The following HEATR1 variants were observed in gnomAD, a reference collection of about 807,000 sequenced individuals.
HEATR1 encodes the protein HEAT repeat containing 1, also known as HEAT repeat-containing protein 1.
A neutral mutation model predicts 248.2 loss-of-function variants in HEATR1; 77 were observed. The ratio of observed to expected loss-of-function variants is 0.31; its 90% CI spans 0.26 to 0.37. HEATR1 has a LOEUF of 0.37. Ranked by LOEUF, HEATR1 falls within the 10% of genes least tolerant of loss-of-function variation. HEATR1 has a pLI of 1.00. For missense variants in HEATR1, 2,420 were observed against 2,504.9 expected, an observed-to-expected ratio of 0.97 and a Z score of 0.72; for synonymous variants, 897 against 923.1, an observed-to-expected ratio of 0.97 and a Z score of 0.51.
In HEATR1 at chr1:236,555,948, A is replaced by AAC. The variant is rs1662962258; in HGVS notation, c.5515-11_5515-10dup. 6.2e-7 allele frequency: 1 copy of AAC among 1,613,424 alleles called. No homozygotes were observed. Among genetic ancestry groups the AAC allele is most frequent in the Admixed American group, 1.7e-5 (1 of 60,000 alleles). On this transcript the variant is annotated splice_polypyrimidine_tract_variant and intron_variant, in intron 38 of 44. Coordinates refer to ENST00000366582, the MANE Select transcript of HEATR1 (RefSeq NM_018072.6). ...AACGGACCCATGTGATTCTACCAAT[A>AAC]ACACAGGAAAGAGATGTGCCATTTT...
At position 236,556,112 on chromosome 1, in the gene HEATR1, C is replaced by T. The variant is rs1462503290; in HGVS notation, c.5502G>A (p.Glu1834=). 1 of 1,614,186 alleles carries T rather than the reference C, an allele frequency of 6.2e-7. No homozygotes were observed. Among genetic ancestry groups the T allele is most frequent in the Non-Finnish European group, 8.5e-7 (1 of 1,180,036 alleles). Residue 1834 remains glutamate (E), a synonymous_variant, in exon 38 of 45, where the codon GAG becomes GAA. Coordinates refer to ENST00000366582, the MANE Select transcript of HEATR1 (RefSeq NM_018072.6). The stretch of plus-strand genomic sequence containing the variant: ...AATAAGATCTAACCTTCCAGTTCTT[C>T]TCAATCTGCTTGTAAGTTTTTTTGA... ...PAIKKTYKQI[E]KNWKNHMGPF...
chr1:236,556,122 T>C lies in HEATR1; in HGVS notation c.5492A>G (p.Lys1831Arg). The change falls in exon 38 of 45, where the codon AAG (lysine) becomes AGG (arginine). Residue 1831 changes from lysine (K) to arginine (R), a missense_variant. Transcript: ENST00000366582. ...VLLPAIKKTY[K>R]QIEKNWKNHM... The stretch of plus-strand genomic sequence containing the variant: ...AACCTTCCAGTTCTTCTCAATCTGC[T>C]TGTAAGTTTTTTTGATGGCGGGCAA... 6.2e-7 allele frequency: 1 copy of C among 1,614,202 alleles called. No individual in the cohort carries two copies. Among genetic ancestry groups the C allele is most frequent in the Non-Finnish European group, 8.5e-7 (1 of 1,180,038 alleles).
intron 24 of HEATR1, 38 bp downstream of exon 24, chr1:236,574,164 A>G (rs1389002670): frequency 6.4e-7 from 1 of 1,565,586 alleles, no homozygotes; most frequent in Non-Finnish European, 8.6e-7. Flanking sequence ...GAGACTATAA[A>G]CATTAATAAA....
intron 14 of HEATR1, 34 bp downstream of exon 14, chr1:236,587,360 CTTCATCAA>C (rs1663922742): frequency 1.2e-5 from 11 of 935,536 alleles, no homozygotes; most frequent in Non-Finnish European, 1.7e-5. Flanking sequence ...GATATAAGAA[CTTCATCAA>C]TTCAAAATAG....
chr1:236,600,252 A>G (rs1664285021), intron 3 of HEATR1, among the ~76,000 whole-genome samples: 1 of 141,968 alleles, frequency 7.0e-6, no homozygotes, highest in Admixed American at 7.6e-5. Context: ...TCCGCCTCCC[A>G]AGTAGCTGGG....
At chr1:236,594,207 A>G (rs2794753) in intron 8 of HEATR1, 93 bp from the exon 9 acceptor site, 443,464 of 742,616 alleles carry the variant, frequency 0.6, 137,055 homozygotes, top group Non-Finnish European at 0.65. Flanking sequence ...CGTTCTCAGA[A>G]TAAAACACAC....
At chr1:236,595,357 G>A (rs144760659) in intron 8 of HEATR1, among the ~76,000 whole-genome samples, 183 bp downstream of exon 8, 1 of 152,210 alleles carries the variant, frequency 6.6e-6, no homozygotes, top group Non-Finnish European at 1.5e-5. Flanking sequence ...AATTAACAAT[G>A]ATCTTTCTTC....
chr1:236,557,409 G>C lies in HEATR1; in HGVS notation c.5205-64C>G, dbSNP rs909111362. The C allele has an allele frequency of 6.9e-5, 107 of 1,548,512 alleles. No homozygotes were observed. The African/African-American group carries it at 1.4e-3, about 20-fold the overall frequency. ...GAAACAGAGGCTAGGGAATGGAGTA[G>C]AGGGCATTATGAAAAAAACCAGCAA... is the stretch of plus-strand genomic sequence containing the variant. On this transcript the variant is annotated intron_variant, in intron 36 of 44. Transcript: ENST00000366582.
intron 43 of HEATR1, 56 bp downstream of exon 43, chr1:236,553,525 G>T: frequency 1.9e-6 from 3 of 1,559,882 alleles, no homozygotes; most frequent in Non-Finnish European, 2.6e-6. Flanking sequence ...CCTGCAGGCT[G>T]TTTAGGCTAT....
In HEATR1 at chr1:236,599,626, T is replaced by TG. The variant is rs1303554506; in HGVS notation, c.360-3dup. 4 of 1,599,680 alleles carry TG rather than the reference T, an allele frequency of 2.5e-6. No homozygotes were observed. The highest frequency in any genetic ancestry group is 3.4e-6 in the Non-Finnish European group (4 of 1,173,686). On this transcript the variant is annotated splice_polypyrimidine_tract_variant and splice_region_variant and intron_variant, in intron 3 of 44. Transcript: ENST00000366582. ...TGATTATAGAGATGTATATGGAACC[T>TG]GGGGAAAAAAAGCAAACAGTCCAAC... is the stretch of plus-strand genomic sequence containing the variant.
chr1:236,572,732 G>C lies in HEATR1; in HGVS notation c.3556C>G (p.Gln1186Glu). The change falls in exon 25 of 45, where the codon CAG becomes GAG. Residue 1186 changes from glutamine to glutamate, a missense_variant. Physicochemically the swap from Gln to Glu is conservative, Grantham distance 29. Coordinates refer to ENST00000366582, the MANE Select transcript of HEATR1 (RefSeq NM_018072.6). ...TGCATTTGTAGCTCTTACTTCTGCT[G>C]CATTTTTTGCCTTCTTTTTTGCTGA... ...TVQQKRRQKM[Q>E]QKKSQDLESV... 6.2e-7 allele frequency: 1 copy of C among 1,613,772 alleles called. No homozygotes were observed. Among genetic ancestry groups the C allele is most frequent in the South Asian group, 1.1e-5 (1 of 91,068 alleles).
Position 236,564,461 on chromosome 1 carries a change from A to G in HEATR1, c.4599+37T>C, listed in dbSNP as rs1401850378. ...GAGAACAGTTCCTTGGAGACAGCAG[A>G]ATACCTTTTTATAAACACATTTAAA... is the stretch of plus-strand genomic sequence containing the variant. On this transcript the variant is annotated intron_variant, in intron 32 of 44. Transcript: ENST00000366582. The G allele has an allele frequency of 3.1e-6, 5 of 1,592,444 alleles. No homozygotes were observed. In the Admixed American group the frequency reaches 5.1e-5, roughly 16 times the overall value.
At chr1:236,579,282 T>C (rs923927437) in intron 20 of HEATR1, among the ~76,000 whole-genome samples, 5 of 152,186 alleles carry the variant, frequency 3.3e-5, no homozygotes, top group African/African-American at 1.2e-4. Context: ...AATGTATCTT[T>C]TTCACAAAGC....
At chr1:236,574,358 C>T in intron 23 of HEATR1, 25 bp from the exon 24 acceptor site, 5 of 1,593,046 alleles carry the variant, frequency 3.1e-6, no homozygotes, top group Non-Finnish European at 4.3e-6. Context: ...AAAAAGGCAA[C>T]TGAGTTCAGT....
chr1:236,576,146 T>G (rs1663556636), intron 22 of HEATR1, 73 bp downstream of exon 22: 1 of 1,186,468 alleles, frequency 8.4e-7, no homozygotes, highest in East Asian at 2.6e-5. Context: ...AATTGTCTTC[T>G]TCACCCACAA....
chr1:236,576,518 C>T (rs570796231), intron 21 of HEATR1, 141 bp from the exon 22 acceptor site: 24 of 720,596 alleles, frequency 3.3e-5, no homozygotes, highest in African/African-American at 1.6e-4. Context: ...TAATAAGAAA[C>T]GTTATTAAAA....
chr1:236,579,428 C>T (rs75309380), intron 20 of HEATR1, among the ~76,000 whole-genome samples: 3,737 of 152,210 alleles, frequency 0.025, 127 homozygotes, highest in East Asian at 0.14. Context: ...ACATTTAATA[C>T]CAAATTGGAA....
Position 236,604,057 on chromosome 1 carries a change from G to A in HEATR1, c.39C>T (p.Leu13=). 3 of 1,585,390 alleles carry A rather than the reference G, an allele frequency of 1.9e-6. No individual in the cohort carries two copies. Among genetic ancestry groups the A allele is most frequent in the African/African-American group, 1.4e-5 (1 of 72,972 alleles). The change falls in exon 2 of 45, where the codon CTC becomes CTT. Residue 13 remains leucine (L), a synonymous_variant. Coordinates refer to ENST00000366582, the MANE Select transcript of HEATR1 (RefSeq NM_018072.6). ...SLAQQLQRLA[L]PQSDASLLSR... ...ATAAGAGGCTGGCATCACTTTGAGG[G>A]AGGGCGAGTCGTTGCAGCTGCTGGG...
Position 236,592,640 on chromosome 1 carries a change from A to G in HEATR1, c.1194-7T>C. ...ATACTCTTCAAATAGAAGGCTGTAA[A>G]AAAAAAAACAGAAATATCAGCATAC... On this transcript the variant is annotated splice_polypyrimidine_tract_variant and splice_region_variant and intron_variant, in intron 9 of 44. Transcript: ENST00000366582. 8.8e-7 allele frequency: 1 copy of G among 1,135,818 alleles called. No individual in the cohort carries two copies. The highest frequency in any genetic ancestry group is 1.3e-6 in the Non-Finnish European group (1 of 770,376). 70.4% of individuals were successfully genotyped at this position (1,135,818 alleles called of 1,614,324 possible).
Sources: allele counts gnomAD v4.1 joint callset (sites outside exome capture counted in the v4.1 genomes callset), GRCh38; gene constraint gnomAD v4.1.1; transcripts MANE v1.5; gene names NCBI Gene and HGNC (gene_info 2026-07-23, HGNC 2026-07-21).